PTPRN2: variants seen among roughly 807,000 people sequenced by gnomAD.
PTPRN2 encodes the protein receptor-type tyrosine-protein phosphatase N2.
Under a neutral mutation model 118.8 loss-of-function variants are expected in PTPRN2, and 74 were observed. That is an observed-to-expected ratio of 0.62 (90% CI 0.52 to 0.76). The LOEUF (loss-of-function observed/expected upper bound fraction) is 0.76, where lower values mean the gene tolerates loss of function less well. Ranked by LOEUF, PTPRN2 falls within the 30% of genes least tolerant of loss-of-function variation. PTPRN2 has a pLI of 0.00. For synonymous variants in PTPRN2, 641 were observed against 608.0 expected (o/e 1.05, Z -0.80); for missense variants, 1,481 against 1,394.4 (o/e 1.06, Z -0.99).
At chr7:158,024,367 C>A (rs114114943) in intron 11 of PTPRN2, among the ~76,000 whole-genome samples, 281 of 152,330 alleles carry the variant, frequency 1.8e-3, no homozygotes, top group African/African-American at 6.2e-3. Context: ...GTTCCCTGAG[C>A]TGTCCACTCA....
rs1447574008 is a variant in PTPRN2, at chr7:157,657,091, T to A, written c.2002-540A>T. Among the ~76,000 whole-genome samples the A allele has an allele frequency of 9.3e-4, 27 of 28,916 alleles. 1 individual carries two copies. The highest frequency in any genetic ancestry group is 3.6e-3 in the East Asian group (3 of 842). The allele number at this position is 28,916 out of a possible 152,430, so 19.0% of individuals were successfully genotyped here. A position where few individuals can be genotyped will look rare whatever the true frequency, so the allele number is the denominator to read the frequency against. Reference sequence around the variant, plus strand: ...CACACGTCACACATATACACACACATACGCCACACACACACACCACACACA... The same window carrying A: ...CACACGTCACACATATACACACACAAACGCCACACACACACACCACACACA... On this transcript the variant is annotated intron_variant, in intron 13 of 22. Coordinates refer to ENST00000389418, the MANE Select transcript of PTPRN2 (RefSeq NM_002847.5).
chr7:158,393,762 CA>C, intron 2 of PTPRN2, among the ~76,000 whole-genome samples: 1 of 152,102 alleles, frequency 6.6e-6, no homozygotes, highest in Non-Finnish European at 1.5e-5. Context: ...GACGTGATTG[CA>C]ACACACTTCA....
At chr7:158,267,990 G>C (rs1387531081) in intron 3 of PTPRN2, among the ~76,000 whole-genome samples, 2 of 152,184 alleles carry the variant, frequency 1.3e-5, no homozygotes, top group South Asian at 4.1e-4. Flanking sequence ...ACTGGGTTAT[G>C]TGCACAGAGA....
intron 1 of PTPRN2, among the ~76,000 whole-genome samples, chr7:158,547,782 C>G (rs1024310855): frequency 6.6e-6 from 1 of 152,226 alleles, no homozygotes; most frequent in Non-Finnish European, 1.5e-5. Flanking sequence ...CCCTGTCCAC[C>G]TGGCCTTTGA....
At chr7:158,192,302 C>T in intron 5 of PTPRN2, 25 bp downstream of exon 5, 1 of 1,446,676 alleles carries the variant, frequency 6.9e-7, no homozygotes. Context: ...CCAACCCCGG[C>T]CCGGGGAGGA....
intron 6 of PTPRN2, among the ~76,000 whole-genome samples, chr7:158,151,514 T>TGC (rs1563522262): frequency 2.4e-4 from 35 of 146,190 alleles, no homozygotes; most frequent in East Asian, 4.1e-4. Flanking sequence ...TTTCTGCTCC[T>TGC]CACCGCACGT....
intron 11 of PTPRN2, among the ~76,000 whole-genome samples, chr7:158,018,535 G>A (rs1806614564): frequency 6.6e-6 from 1 of 152,206 alleles, no homozygotes; most frequent in Non-Finnish European, 1.5e-5. Flanking sequence ...TTCAGAAAAT[G>A]AGGCCTCTAC....
At chr7:158,348,075 C>T (rs930288850) in intron 2 of PTPRN2, among the ~76,000 whole-genome samples, 2 of 152,130 alleles carry the variant, frequency 1.3e-5, no homozygotes, top group Admixed American at 1.3e-4. Flanking sequence ...TTCCAAACCA[C>T]GGCCCCCTCC....
intron 2 of PTPRN2, among the ~76,000 whole-genome samples, chr7:158,392,439 C>T (rs1307863240): frequency 6.6e-6 from 1 of 152,214 alleles, no homozygotes; most frequent in Non-Finnish European, 1.5e-5. Context: ...ATCTGCTGCA[C>T]ACCCAGCGTT....
intron 6 of PTPRN2, among the ~76,000 whole-genome samples, chr7:158,148,499 T>A (rs1820449955): frequency 1.5e-5 from 2 of 135,918 alleles, no homozygotes; most frequent in Non-Finnish European, 1.6e-5. Context: ...ACGCCACGTG[T>A]CTTTCCCCCT....
chr7:158,460,846 T>C (rs1586728881), intron 2 of PTPRN2, among the ~76,000 whole-genome samples: 2 of 152,200 alleles, frequency 1.3e-5, no homozygotes, highest in East Asian at 3.9e-4. Flanking sequence ...CCTAGAAATA[T>C]ACAAGAACAG....
intron 6 of PTPRN2, among the ~76,000 whole-genome samples, chr7:158,141,421 C>T (rs531416546): frequency 5.3e-5 from 8 of 152,172 alleles, no homozygotes; most frequent in Non-Finnish European, 8.8e-5. Context: ...GGCCGGCACC[C>T]GGTCCCCACG....
chr7:158,521,075 C>T (rs142933669), intron 1 of PTPRN2, among the ~76,000 whole-genome samples: 43 of 152,378 alleles, frequency 2.8e-4, no homozygotes, highest in African/African-American at 7.0e-4. Context: ...CTGTGCGAGG[C>T]GCTCAGTCCT....
At chr7:158,474,831 C>T (rs150344178) in intron 2 of PTPRN2, among the ~76,000 whole-genome samples, 5 of 152,308 alleles carry the variant, frequency 3.3e-5, no homozygotes, top group African/African-American at 9.6e-5. Context: ...CGCTGTTCAG[C>T]GGGAGAGAAG....
chr7:158,333,138 CCA>C (rs1194835751), intron 2 of PTPRN2, among the ~76,000 whole-genome samples: 16 of 112,164 alleles, frequency 1.4e-4, no homozygotes, highest in East Asian at 4.8e-4. Context: ...TCACTCACAC[CCA>C]CAGTCTCACC....
chr7:157,668,040 CACAA>C (rs1204042010), intron 13 of PTPRN2, among the ~76,000 whole-genome samples: 8 of 152,234 alleles, frequency 5.3e-5, no homozygotes, highest in Non-Finnish European at 7.3e-5. Flanking sequence ...GGTGTGAGCA[CACAA>C]ACAGAGGAGG....
chr7:157,809,078 G>A (rs926557268), intron 12 of PTPRN2, among the ~76,000 whole-genome samples: 26 of 151,752 alleles, frequency 1.7e-4, no homozygotes, highest in African/African-American at 5.4e-4. Context: ...TAATGTGCAC[G>A]AGAAAAAGCA....
At chr7:157,765,858 C>T (rs1232496241) in intron 12 of PTPRN2, among the ~76,000 whole-genome samples, 1 of 149,940 alleles carries the variant, frequency 6.7e-6, no homozygotes, top group Non-Finnish European at 1.5e-5. Flanking sequence ...TCCACTCATC[C>T]ATCCATCCAT....
At chr7:158,416,668 A>G (rs534050336) in intron 2 of PTPRN2, among the ~76,000 whole-genome samples, 1 of 152,350 alleles carries the variant, frequency 6.6e-6, no homozygotes, top group African/African-American at 2.4e-5. Flanking sequence ...GTGAAATTCC[A>G]AAGAAAGGCC....
Sources: allele counts gnomAD v4.1 joint callset (sites outside exome capture counted in the v4.1 genomes callset), GRCh38; gene constraint gnomAD v4.1.1; transcripts MANE v1.5; gene names NCBI Gene and HGNC (gene_info 2026-07-23, HGNC 2026-07-21).